CCSER1: variants seen among roughly 807,000 people sequenced by gnomAD.
CCSER1 encodes the protein coiled-coil serine rich protein 1, also known as serine-rich coiled-coil domain-containing protein 1.
In CCSER1, 41 loss-of-function variants were observed where a neutral mutation model predicts 82.0. That is an observed-to-expected ratio of 0.50 (90% CI 0.39 to 0.65). The LOEUF is 0.65. Among genes scored for constraint, CCSER1 ranks in the 30% least tolerant of loss-of-function variants. The probability of loss-of-function intolerance (pLI) is 0.00; values close to 1 mark genes in which losing one functional copy is unlikely to be tolerated. For missense variants in CCSER1, 1,119 were observed against 1,064.2 expected (o/e 1.05, Z -0.72); for synonymous variants, 414 against 383.9 (o/e 1.08, Z -0.92).
At chr4:91,152,420 C>T (rs955694237) in intron 10 of CCSER1, among the ~76,000 whole-genome samples, 3 of 152,136 alleles carry the variant, frequency 2.0e-5, no homozygotes, top group Non-Finnish European at 4.4e-5. Context: ...GGTCTTGACT[C>T]TTTATCCAAT....
intron 9 of CCSER1, among the ~76,000 whole-genome samples, chr4:90,984,825 T>C (rs1170005353): frequency 6.6e-6 from 1 of 151,854 alleles, no homozygotes; most frequent in Non-Finnish European, 1.5e-5. Context: ...TCTTAGTCTG[T>C]ACACAGTCAG....
intron 1 of CCSER1, among the ~76,000 whole-genome samples, chr4:90,255,348 A>G (rs1723095538): frequency 6.6e-6 from 1 of 152,180 alleles, no homozygotes; most frequent in Admixed American, 6.5e-5. Flanking sequence ...AATCTGCGCA[A>G]TCATTAATCT....
chr4:90,824,406 T>G (rs1174719473), intron 8 of CCSER1, among the ~76,000 whole-genome samples: 1 of 152,050 alleles, frequency 6.6e-6, no homozygotes, highest in Non-Finnish European at 1.5e-5. Flanking sequence ...GTTGAAAAAC[T>G]GAAAGTGTAT....
intron 6 of CCSER1, among the ~76,000 whole-genome samples, chr4:90,704,543 C>G (rs531722254): frequency 2.0e-4 from 31 of 152,312 alleles, no homozygotes; most frequent in Admixed American, 1.6e-3. Context: ...TGGGGAAGTT[C>G]TCTTGGATAA....
At chr4:90,696,544 C>G (rs181899230) in intron 6 of CCSER1, among the ~76,000 whole-genome samples, 1 of 151,994 alleles carries the variant, frequency 6.6e-6, no homozygotes, top group Non-Finnish European at 1.5e-5. Flanking sequence ...AATTGAATAA[C>G]GATGGTAATT....
intron 9 of CCSER1, among the ~76,000 whole-genome samples, chr4:91,050,843 A>G (rs768861860): frequency 6.6e-6 from 1 of 152,196 alleles, no homozygotes; most frequent in African/African-American, 2.4e-5. Context: ...TCTTCTTTCA[A>G]GTTTCTTTGC....
At chr4:90,338,621 G>A (rs931392956) in intron 3 of CCSER1, among the ~76,000 whole-genome samples, 5 of 152,098 alleles carry the variant, frequency 3.3e-5, no homozygotes, top group Non-Finnish European at 5.9e-5. Context: ...TGTTTATTGA[G>A]CTTAATTGAA....
chr4:90,964,821 C>T (rs557051728), intron 9 of CCSER1, among the ~76,000 whole-genome samples: 1 of 150,866 alleles, frequency 6.6e-6, no homozygotes, highest in East Asian at 2.0e-4. Context: ...CAAAGGCTTT[C>T]GATACCACGG....
chr4:91,156,173 G>C (rs1362239049), intron 10 of CCSER1, among the ~76,000 whole-genome samples: 2 of 151,600 alleles, frequency 1.3e-5, no homozygotes, highest in Non-Finnish European at 3.0e-5. Context: ...TGGCCAAATA[G>C]GGGTTCATTA....
chr4:90,826,563 T>A (rs929559776), intron 8 of CCSER1, among the ~76,000 whole-genome samples: 3 of 152,206 alleles, frequency 2.0e-5, no homozygotes, highest in African/African-American at 7.2e-5. Flanking sequence ...TTGCCTTTAC[T>A]TTTTATAATA....
chr4:90,540,964 T>G (rs1353620397), intron 5 of CCSER1, among the ~76,000 whole-genome samples: 1 of 152,114 alleles, frequency 6.6e-6, no homozygotes, highest in African/African-American at 2.4e-5. Context: ...AATACTCCTC[T>G]CTTTATTTTC....
chr4:90,759,421 G>A (rs1164505461), intron 7 of CCSER1, among the ~76,000 whole-genome samples: 3 of 152,072 alleles, frequency 2.0e-5, no homozygotes, highest in East Asian at 3.9e-4. Context: ...TAAATAAAAC[G>A]GGATTAAGAA....
chr4:91,312,595 A>G (rs954209130), intron 10 of CCSER1, among the ~76,000 whole-genome samples: 3 of 151,956 alleles, frequency 2.0e-5, no homozygotes, highest in African/African-American at 7.2e-5. Flanking sequence ...AAAAAAAGGC[A>G]TAAAGCACGC....
chr4:90,569,717 T>A (rs1299163072), intron 5 of CCSER1, among the ~76,000 whole-genome samples: 1 of 152,178 alleles, frequency 6.6e-6, no homozygotes, highest in East Asian at 1.9e-4. Context: ...TTACCATAGA[T>A]GTCCATCTCT....
At chr4:91,475,003 T>C (rs1757506080) in intron 10 of CCSER1, among the ~76,000 whole-genome samples, 1 of 151,624 alleles carries the variant, frequency 6.6e-6, no homozygotes, top group Non-Finnish European at 1.5e-5. Flanking sequence ...TAAAGGTGGG[T>C]TAGGGTCACT....
At chr4:91,164,426 A>C (rs1731801238) in intron 10 of CCSER1, among the ~76,000 whole-genome samples, 1 of 151,990 alleles carries the variant, frequency 6.6e-6, no homozygotes, top group South Asian at 2.1e-4. Context: ...GCTCTTCTTG[A>C]GGAGGATCTT....
intron 10 of CCSER1, among the ~76,000 whole-genome samples, chr4:91,344,301 A>G (rs1747910023): frequency 6.6e-6 from 1 of 152,200 alleles, no homozygotes; most frequent in African/African-American, 2.4e-5. Flanking sequence ...CCCAAACTCC[A>G]GAACTGTGAG....
At chr4:90,145,028 A>C (rs1323025235) in intron 1 of CCSER1, among the ~76,000 whole-genome samples, 2 of 152,118 alleles carry the variant, frequency 1.3e-5, no homozygotes, top group African/African-American at 4.8e-5. Context: ...CTATAGTTTA[A>C]TTTTGATTAT....
chr4:90,437,782 T>A (rs1250168099), intron 4 of CCSER1, among the ~76,000 whole-genome samples: 2 of 152,158 alleles, frequency 1.3e-5, no homozygotes, highest in Non-Finnish European at 1.5e-5. Flanking sequence ...ATATACTGAC[T>A]ACTTGGGTAC....
Sources: allele counts gnomAD v4.1 joint callset (sites outside exome capture counted in the v4.1 genomes callset), GRCh38; gene constraint gnomAD v4.1.1; transcripts MANE v1.5; gene names NCBI Gene and HGNC (gene_info 2026-07-23, HGNC 2026-07-21).